The following FAM13C variants were observed in gnomAD, a reference collection of about 807,000 sequenced individuals.
The protein encoded by FAM13C is family with sequence similarity 13 member C.
Under a neutral mutation model 73.2 loss-of-function variants are expected in FAM13C, and 37 were observed. The observed-to-expected ratio is 0.51, with a 90% CI of 0.39 to 0.67. The LOEUF (loss-of-function observed/expected upper bound fraction) is 0.67. FAM13C is among the 30% of genes least tolerant of loss of function. FAM13C has a pLI of 0.00. For synonymous variants in FAM13C, 246 were observed against 260.9 expected (o/e 0.94, Z 0.55); for missense variants, 589 against 715.6 (o/e 0.82, Z 2.02).
intron 10 of FAM13C, among the ~76,000 whole-genome samples, chr10:59,255,005 C>T (rs1339953936): frequency 1.3e-5 from 2 of 152,198 alleles, no homozygotes; most frequent in African/African-American, 4.8e-5. Flanking sequence ...GTCTGAAATG[C>T]GTAAGTGTTA....
At chr10:59,355,862 T>A (rs764466561) in intron 2 of FAM13C, 25 bp downstream of exon 2, 1 of 1,612,074 alleles carries the variant, frequency 6.2e-7, no homozygotes, top group Non-Finnish European at 8.5e-7. Flanking sequence ...CTCACAAATA[T>A]GAACCAAGCA....
At chr10:59,341,746 G>A (rs1853554684) in intron 3 of FAM13C, among the ~76,000 whole-genome samples, 1 of 152,082 alleles carries the variant, frequency 6.6e-6, no homozygotes, top group Non-Finnish European at 1.5e-5. Context: ...CAACTGATAA[G>A]CAGTAGAGGT....
chr10:59,249,605 T>A (rs1264356582), intron 13 of FAM13C, among the ~76,000 whole-genome samples: 1 of 152,174 alleles, frequency 6.6e-6, no homozygotes, highest in Non-Finnish European at 1.5e-5. Context: ...AGAACATTTA[T>A]AGTGCCTTAA....
intron 3 of FAM13C, among the ~76,000 whole-genome samples, chr10:59,329,169 G>C (rs1207004035): frequency 6.6e-6 from 1 of 152,016 alleles, no homozygotes; most frequent in Non-Finnish European, 1.5e-5. Context: ...GGAACCAAGA[G>C]AGCAGTTTCT....
intron 2 of FAM13C, among the ~76,000 whole-genome samples, chr10:59,355,485 T>C (rs1855588133): frequency 6.6e-6 from 1 of 152,106 alleles, no homozygotes; most frequent in African/African-American, 2.4e-5. Flanking sequence ...ACAAAGTAAA[T>C]GTAGAAGAAA....
At chr10:59,255,568 A>G (rs1393430433) in intron 10 of FAM13C, among the ~76,000 whole-genome samples, 1 of 152,142 alleles carries the variant, frequency 6.6e-6, no homozygotes, top group East Asian at 1.9e-4. Context: ...CCAGTGATAT[A>G]CACTTGGCAA....
intron 3 of FAM13C, among the ~76,000 whole-genome samples, chr10:59,331,024 C>T (rs574571881): frequency 2.2e-4 from 33 of 152,264 alleles, no homozygotes; most frequent in African/African-American, 7.9e-4. Context: ...TCTTGGTTTT[C>T]TGATGACATA....
rs1465116385 is a variant in FAM13C, at chr10:59,362,479, G to T, written c.-19C>A. On this transcript the variant is annotated 5_prime_UTR_variant, in exon 1 of 14. Transcript: ENST00000618804. ...AAAACATCAGCCAAGTCTGGCCGGG[G>T]AGCCGTCTCCCTGATTGCTCTCCGG... 6.2e-7 allele frequency: 1 copy of T among 1,611,440 alleles called. No homozygotes were observed. Among genetic ancestry groups the T allele is most frequent in the Non-Finnish European group, 8.5e-7 (1 of 1,178,740 alleles).
intron 1 of FAM13C, 93 bp from the exon 2 acceptor site, chr10:59,356,036 A>G: frequency 8.2e-7 from 1 of 1,212,474 alleles, no homozygotes; most frequent in Non-Finnish European, 1.2e-6. Context: ...TTACCATGGA[A>G]AACTAAAAGA....
chr10:59,286,387 C>T (rs1360778140), intron 5 of FAM13C, among the ~76,000 whole-genome samples: 1 of 151,614 alleles, frequency 6.6e-6, no homozygotes. Context: ...TGGTGGCACA[C>T]ACCTGTAATT....
chr10:59,327,267 T>A (rs894593653), intron 3 of FAM13C, among the ~76,000 whole-genome samples: 8 of 152,200 alleles, frequency 5.3e-5, no homozygotes, highest in Middle Eastern at 3.2e-3. Context: ...GGGGATATCA[T>A]CTTATTGAAT....
chr10:59,352,040 T>A (rs1035213783), intron 3 of FAM13C, among the ~76,000 whole-genome samples: 1 of 151,588 alleles, frequency 6.6e-6, no homozygotes, highest in Non-Finnish European at 1.5e-5. Context: ...TAAATCAAAG[T>A]CCAATATTTA....
chr10:59,273,980 C>T (rs1313553668), intron 6 of FAM13C, among the ~76,000 whole-genome samples: 1 of 149,980 alleles, frequency 6.7e-6, no homozygotes, highest in East Asian at 2.0e-4. Context: ...AAATTGCACT[C>T]TTGGGATTGC....
At chr10:59,317,899 C>T (rs1217347629) in intron 4 of FAM13C, among the ~76,000 whole-genome samples, 1 of 151,938 alleles carries the variant, frequency 6.6e-6, no homozygotes, top group African/African-American at 2.4e-5. Context: ...CCCCCCTTCC[C>T]CCACCCCACA....
intron 13 of FAM13C, among the ~76,000 whole-genome samples, chr10:59,250,934 A>G (rs1841309415): frequency 6.6e-6 from 1 of 152,184 alleles, no homozygotes; most frequent in Non-Finnish European, 1.5e-5. Context: ...TCTCTCTTCC[A>G]AATTAGATCA....
At chr10:59,350,909 A>C (rs1044682545) in intron 3 of FAM13C, among the ~76,000 whole-genome samples, 2 of 152,248 alleles carry the variant, frequency 1.3e-5, no homozygotes, top group Non-Finnish European at 2.9e-5. Flanking sequence ...AATGTTAACA[A>C]AAAAGCAAAG....
At position 59,280,951 on chromosome 10, in the gene FAM13C, A is replaced by C. The variant is rs1401627214; in HGVS notation, c.592+2412T>G. Reference sequence around the variant, plus strand: ...TATTATATCCAGGTATTCTTATGAAAATCACTTGTTCATATCACATGTTCA... The same window carrying C: ...TATTATATCCAGGTATTCTTATGAACATCACTTGTTCATATCACATGTTCA... On this transcript the variant is annotated intron_variant, in intron 6 of 13. Coordinates refer to ENST00000618804, the MANE Select transcript of FAM13C (RefSeq NM_198215.4). 2.0e-5 allele frequency among the ~76,000 whole-genome samples: 3 copies of C among 152,216 alleles called. No individual in the cohort carries two copies. The East Asian group carries it at 5.8e-4, about 29-fold the overall frequency.
At chr10:59,362,305 C>G (rs1305382273) in intron 1 of FAM13C, 94 bp downstream of exon 1, 1 of 1,522,772 alleles carries the variant, frequency 6.6e-7, no homozygotes, top group African/African-American at 1.4e-5. Context: ...GCATCTAAAA[C>G]GAACAGCGGC....
intron 5 of FAM13C, 154 bp from the exon 6 acceptor site, chr10:59,283,601 G>C (rs1284683292): frequency 1.4e-6 from 1 of 740,052 alleles, no homozygotes; most frequent in Admixed American, 2.0e-5. Context: ...TTCCTCCACT[G>C]CCTGGCAGGA....
Sources: allele counts gnomAD v4.1 joint callset (sites outside exome capture counted in the v4.1 genomes callset), GRCh38; gene constraint gnomAD v4.1.1; transcripts MANE v1.5; gene names NCBI Gene and HGNC (gene_info 2026-07-23, HGNC 2026-07-21).